PYGB: variants seen among roughly 807,000 people sequenced by gnomAD.
PYGB encodes glycogen phosphorylase B, also known as glycogen phosphorylase, brain form.
In PYGB, 82 loss-of-function variants were observed where a neutral mutation model predicts 94.3. The observed-to-expected ratio is 0.87, with a 90% CI of 0.73 to 1.04. PYGB has a LOEUF of 1.04. PYGB is among the 50% of genes least tolerant of loss of function. The pLI is 0.00. For synonymous variants in PYGB, 488 were observed against 479.1 expected (o/e 1.02, Z -0.24); for missense variants, 1,132 against 1,158.2 (o/e 0.98, Z 0.33).
chr20:25,287,262 C>G (rs2123590077), intron 14 of PYGB, among the ~76,000 whole-genome samples: 1 of 152,372 alleles, frequency 6.6e-6, no homozygotes, highest in Non-Finnish European at 1.5e-5. Flanking sequence ...GACACAAGGT[C>G]TCACCCAGCG....
chr20:25,262,385 T>C (rs2092915555), intron 2 of PYGB, among the ~76,000 whole-genome samples: 3 of 152,164 alleles, frequency 2.0e-5, no homozygotes, highest in Admixed American at 2.0e-4. Flanking sequence ...CTAAGCTTCA[T>C]AAGTGAAGGA....
chr20:25,275,387 G>A (rs544466013), intron 5 of PYGB, among the ~76,000 whole-genome samples: 53 of 152,366 alleles, frequency 3.5e-4, no homozygotes, highest in African/African-American at 1.2e-3. Flanking sequence ...CGGGATGACT[G>A]GGGCAGGGCA....
chr20:25,271,624 T>C, intron 4 of PYGB, 138 bp downstream of exon 4: 2 of 903,576 alleles, frequency 2.2e-6, no homozygotes, highest in Non-Finnish European at 3.5e-6. Flanking sequence ...GTGGAGCAGG[T>C]CAGGGTAGCA....
At chr20:25,269,655 T>C (rs558848626) in intron 3 of PYGB, among the ~76,000 whole-genome samples, 28 of 152,336 alleles carry the variant, frequency 1.8e-4, no homozygotes, top group African/African-American at 6.7e-4. Flanking sequence ...CCGGCCTTTG[T>C]GACATGTGAT....
Position 25,277,336 on chromosome 20 carries a change from T to A in PYGB, c.855+10T>A. ...GTATCCAAATGATAACGTGAGTAGC[T>A]GGCCTGGGCACTCTTGCTCAGGCCG... On this transcript the variant is annotated intron_variant, in intron 7 of 19. Coordinates refer to ENST00000216962, the MANE Select transcript of PYGB (RefSeq NM_002862.4). The A allele has an allele frequency of 6.5e-7, 1 of 1,545,160 alleles. No individual in the cohort carries two copies. Among genetic ancestry groups the A allele is most frequent in the Non-Finnish European group, 8.9e-7 (1 of 1,117,386 alleles).
chr20:25,291,651 C>G (rs1309819274), intron 16 of PYGB, among the ~76,000 whole-genome samples: 1 of 152,094 alleles, frequency 6.6e-6, no homozygotes, highest in South Asian at 2.1e-4. Context: ...ACCGAAGCAT[C>G]TCCTCTCCCC....
intron 14 of PYGB, among the ~76,000 whole-genome samples, chr20:25,286,158 T>C (rs2088416519): frequency 1.3e-5 from 2 of 152,212 alleles, no homozygotes; most frequent in East Asian, 3.8e-4. Context: ...TCGCCAATAC[T>C]CCGGGTGCTT....
chr20:25,250,622 T>C (rs1022761932), intron 1 of PYGB, among the ~76,000 whole-genome samples: 2 of 152,200 alleles, frequency 1.3e-5, no homozygotes, highest in Admixed American at 1.3e-4. Flanking sequence ...TTGCTGGTGA[T>C]GGACCAGCAA....
intron 13 of PYGB, 92 bp downstream of exon 13, chr20:25,283,369 G>T: frequency 4.4e-6 from 5 of 1,124,076 alleles, no homozygotes; most frequent in Middle Eastern, 2.4e-4. Flanking sequence ...GCCCAGCACA[G>T]GTCCTGGGGT....
At chr20:25,253,530 C>T (rs6037069) in intron 1 of PYGB, among the ~76,000 whole-genome samples, 79,403 of 151,704 alleles carry the variant, frequency 0.52, 22,235 homozygotes, top group East Asian at 0.92. Flanking sequence ...TGGACATCTG[C>T]AGTCCCAGCT....
At position 25,277,360 on chromosome 20, in the gene PYGB, C is replaced by T. The variant is rs202145518; in HGVS notation, c.855+34C>T. ...CTGGCCTGGGCACTCTTGCTCAGGC[C>T]GTATCGCTTTCTGGCATAGAGAGGT... On this transcript the variant is annotated intron_variant, in intron 7 of 19. Transcript: ENST00000216962. The T allele has an allele frequency of 1.7e-4, 258 of 1,521,184 alleles. No individual in the cohort carries two copies. In the African/African-American group the frequency reaches 2.0e-3, roughly 12 times the overall value. 94.2% of individuals were successfully genotyped at this position (1,521,184 alleles called of 1,614,324 possible).
intron 11 of PYGB, among the ~76,000 whole-genome samples, chr20:25,281,628 CTG>C (rs1181154525): frequency 6.6e-6 from 1 of 152,210 alleles, no homozygotes; most frequent in Admixed American, 6.5e-5. Flanking sequence ...GCTGCAGGCT[CTG>C]TGCGTGGCGC....
rs547874590 is a variant in PYGB at position 25,282,219 on chromosome 20, T to C, written c.1518+72T>C. On this transcript the variant is annotated intron_variant, in intron 12 of 19. Transcript: ENST00000216962. ...AACCGCGGGCCATGTCATCAGCCCCTGCTGAGCGGTTGCTGAGTAGGCAGG... is the reference window on the plus strand; with the variant it reads ...AACCGCGGGCCATGTCATCAGCCCCCGCTGAGCGGTTGCTGAGTAGGCAGG... 1.5e-3 allele frequency: 1,870 copies of C among 1,275,738 alleles called. 6 individuals are homozygous for C. The highest frequency in any genetic ancestry group is 1.9e-3 in the Non-Finnish European group (1,722 of 913,706). 79.0% of individuals were successfully genotyped at this position (1,275,738 alleles called of 1,614,324 possible).
At chr20:25,248,674 C>A (rs893506163) in intron 1 of PYGB, among the ~76,000 whole-genome samples, 1 of 140,336 alleles carries the variant, frequency 7.1e-6, no homozygotes, top group African/African-American at 3.3e-5. Context: ...CGCCGTCCCC[C>A]GCAGATGATG....
At chr20:25,254,071 C>CAAAAAA (rs11350552) in intron 1 of PYGB, among the ~76,000 whole-genome samples, 1 of 129,684 alleles carries the variant, frequency 7.7e-6, no homozygotes, top group Non-Finnish European at 1.7e-5. Context: ...GACTCTGTCT[C>CAAAAAA]AAAAAAAAAA....
intron 2 of PYGB, among the ~76,000 whole-genome samples, chr20:25,260,961 A>G (rs1435749776): frequency 3.9e-5 from 6 of 152,222 alleles, no homozygotes; most frequent in Non-Finnish European, 7.3e-5. Context: ...AGGCTTGAGT[A>G]GGTAAACAGA....
intron 2 of PYGB, among the ~76,000 whole-genome samples, chr20:25,268,317 T>G (rs553225109): frequency 2.0e-5 from 3 of 152,294 alleles, no homozygotes; most frequent in African/African-American, 7.2e-5. Flanking sequence ...CTAAATCATT[T>G]GTAACTTTGC....
chr20:25,251,311 C>T (rs1331613161), intron 1 of PYGB: 2 of 152,258 alleles, frequency 1.3e-5, no homozygotes, highest in East Asian at 3.8e-4. Context: ...TCATCCTGGC[C>T]TTTCCATTCG....
Position 25,280,291 on chromosome 20 carries a change from G to A in PYGB, c.1118G>A (p.Cys373Tyr), listed in dbSNP as rs200974648. 1.7e-5 allele frequency: 28 copies of A among 1,614,212 alleles called. No homozygotes were observed. The South Asian group carries it at 3.1e-4, about 18-fold the overall frequency. Residue 373 changes from cysteine to tyrosine, a missense_variant, in exon 10 of 20, where the codon TGT (cysteine) becomes TAT (tyrosine). Transcript: ENST00000216962. ...DKAWEITKKT[C>Y]AYTNHTVLPE... ...GCCTGGGAAATCACGAAGAAGACCT[G>A]TGCATACACCAACCACACTGTGCTG...
Sources: gnomAD v4.1 joint callset for allele counts (sites outside exome capture counted in the v4.1 genomes callset) on GRCh38, gnomAD v4.1.1 for gene constraint, MANE v1.5 for transcripts, NCBI Gene and HGNC (gene_info 2026-07-23, HGNC 2026-07-21) for gene names.